RALB: variants seen among roughly 807,000 people sequenced by gnomAD.
RALB encodes the protein RAS like proto-oncogene B.
A neutral mutation model predicts 21.3 loss-of-function variants in RALB; 16 were observed. The observed-to-expected ratio is 0.75, with a 90% CI of 0.51 to 1.14. The LOEUF (loss-of-function observed/expected upper bound fraction) is 1.14, where lower values mean the gene tolerates loss of function less well. Ranked by LOEUF, RALB falls within the 50% of genes most tolerant of loss-of-function variation. The pLI, the probability that RALB is intolerant of heterozygous loss-of-function variation, is 0.00. For synonymous variants in RALB, 93 were observed against 96.1 expected (o/e 0.97, Z 0.19); for missense variants, 161 against 256.2 (o/e 0.63, Z 2.54).
intron 2 of RALB, among the ~76,000 whole-genome samples, chr2:120,284,395 AGT>A (rs1009160570): frequency 9.8e-6 from 1 of 101,738 alleles, no homozygotes; most frequent in African/African-American, 4.3e-5. Flanking sequence ...CTCTTTTTAA[AGT>A]GTACAATTTT....
At position 120,267,980 on chromosome 2, in the gene RALB, C is replaced by T. The variant is rs550696702; in HGVS notation, c.-47-10638C>T. Among the ~76,000 whole-genome samples the T allele has an allele frequency of 5.9e-5, 9 of 152,048 alleles. No individual in the cohort carries two copies. In the East Asian group the frequency reaches 9.7e-4, roughly 16 times the overall value. On this transcript the variant is annotated intron_variant, in intron 1 of 4. Transcript: ENST00000272519. The stretch of plus-strand genomic sequence containing the variant: ...CTAATTTTTGTATTTTTAGTAGAGA[C>T]GGGGTTTCACCATGTGGGCCGGGAT...
chr2:120,277,675 CGT>C (rs543436770), intron 1 of RALB, among the ~76,000 whole-genome samples: 3 of 77,826 alleles, frequency 3.9e-5, no homozygotes, highest in African/African-American at 1.8e-4. Context: ...GCGTTGTGAA[CGT>C]GTTATGAGTG....
At chr2:120,269,860 C>G (rs1316340830) in intron 1 of RALB, among the ~76,000 whole-genome samples, 1 of 152,198 alleles carries the variant, frequency 6.6e-6, no homozygotes, top group Non-Finnish European at 1.5e-5. Context: ...GGTTTACATT[C>G]ATATAATTCT....
chr2:120,279,218 G>T (rs1689923115), intron 2 of RALB, among the ~76,000 whole-genome samples: 1 of 152,048 alleles, frequency 6.6e-6, no homozygotes, highest in South Asian at 2.1e-4. Flanking sequence ...GTTCTCCCGT[G>T]CGGCAAGGTA....
chr2:120,264,920 A>C (rs1274809080), intron 1 of RALB, among the ~76,000 whole-genome samples: 2 of 151,922 alleles, frequency 1.3e-5, no homozygotes, highest in Non-Finnish European at 2.9e-5. Context: ...TCCATGTTAT[A>C]GCATGTGTCA....
chr2:120,247,933 CGGAATGGGAAT>C (rs914233788), upstream of RALB, among the ~76,000 whole-genome samples: 7 of 152,276 alleles, frequency 4.6e-5, no homozygotes, highest in African/African-American at 1.7e-4. Context: ...GTGCCCAGGA[CGGAATGGGAAT>C]GGAGCTGTAA....
chr2:120,288,857 C>T (rs183923499), intron 3 of RALB, among the ~76,000 whole-genome samples: 147 of 152,218 alleles, frequency 9.7e-4, no homozygotes, highest in East Asian at 2.3e-3. Flanking sequence ...ATATCTGTCT[C>T]GATTCTGTGG....
intron 1 of RALB, among the ~76,000 whole-genome samples, chr2:120,264,404 C>A (rs761228200): frequency 6.6e-6 from 1 of 151,948 alleles, no homozygotes; most frequent in Non-Finnish European, 1.5e-5. Flanking sequence ...CATCCACCTC[C>A]GCCCCTCAAA....
intron 2 of RALB, among the ~76,000 whole-genome samples, chr2:120,279,031 G>C (rs2104637868): frequency 6.6e-6 from 1 of 152,270 alleles, no homozygotes; most frequent in Non-Finnish European, 1.5e-5. Context: ...GTTATACTTC[G>C]AGCTTTCTTT....
chr2:120,269,823 A>G (rs1230106934), intron 1 of RALB, among the ~76,000 whole-genome samples: 1 of 152,194 alleles, frequency 6.6e-6, no homozygotes, highest in Non-Finnish European at 1.5e-5. Flanking sequence ...ATATCCTTAT[A>G]CTTTTGTAGA....
chr2:120,246,912 G>A (rs1331812661), intron 1 of RALB, among the ~76,000 whole-genome samples: 1 of 152,258 alleles, frequency 6.6e-6, no homozygotes, highest in Non-Finnish European at 1.5e-5. Flanking sequence ...GGGAGGGGCT[G>A]AGCAGGGTCC....
chr2:120,269,311 G>A (rs1465829650), intron 1 of RALB, among the ~76,000 whole-genome samples: 3 of 152,208 alleles, frequency 2.0e-5, no homozygotes, highest in Non-Finnish European at 1.5e-5. Flanking sequence ...CGCAGTGAGT[G>A]TTATAGCTCT....
upstream of RALB, among the ~76,000 whole-genome samples, chr2:120,252,092 T>C (rs965268228): frequency 6.6e-6 from 1 of 152,118 alleles, no homozygotes; most frequent in African/African-American, 2.4e-5. Flanking sequence ...GTGACTCTCA[T>C]GAGGTCTGCG....
chr2:120,247,624 C>G (rs947632375), intron 1 of RALB, among the ~76,000 whole-genome samples: 2 of 152,194 alleles, frequency 1.3e-5, no homozygotes, highest in African/African-American at 4.8e-5. Context: ...GTGACAATGA[C>G]TAAACTGAGA....
intron 1 of RALB, among the ~76,000 whole-genome samples, chr2:120,245,711 C>T (rs1045168999): frequency 4.6e-5 from 7 of 152,092 alleles, no homozygotes; most frequent in African/African-American, 1.4e-4. Context: ...TGCAAGGAGG[C>T]CCCTCCCCCG....
intron 2 of RALB, among the ~76,000 whole-genome samples, chr2:120,285,570 T>A (rs961630634): frequency 5.6e-4 from 85 of 151,546 alleles, no homozygotes; most frequent in African/African-American, 2.0e-3. Context: ...AAAGTATAAT[T>A]AAAAAAGAAT....
chr2:120,289,824 C>A, intron 4 of RALB, 67 bp downstream of exon 4: 1 of 1,447,850 alleles, frequency 6.9e-7, no homozygotes, highest in Non-Finnish European at 9.2e-7. Flanking sequence ...GGCATCTCAT[C>A]TGCTGGGTTT....
chr2:120,254,657 G>T (rs1689152104), intron 1 of RALB, among the ~76,000 whole-genome samples: 1 of 145,528 alleles, frequency 6.9e-6, no homozygotes, highest in Non-Finnish European at 1.5e-5. Flanking sequence ...AAAATTTTAA[G>T]CCTGAGAATT....
intron 1 of RALB, among the ~76,000 whole-genome samples, chr2:120,245,982 C>A (rs116435481): frequency 1.4e-3 from 220 of 152,336 alleles, no homozygotes; most frequent in African/African-American, 5.2e-3. Flanking sequence ...GGTGGTCTTA[C>A]CTCCTGGTGG....
Sources: gnomAD v4.1 joint callset for allele counts (sites outside exome capture counted in the v4.1 genomes callset) on GRCh38, gnomAD v4.1.1 for gene constraint, MANE v1.5 for transcripts, NCBI Gene and HGNC (gene_info 2026-07-23, HGNC 2026-07-21) for gene names.